Variants in SPATA6L observed in about 807,000 individuals in gnomAD.
The protein encoded by SPATA6L is spermatogenesis associated 6-like protein.
In SPATA6L, 68 loss-of-function variants were observed where a neutral mutation model predicts 49.2. That is an observed-to-expected ratio of 1.38 (90% CI 1.14 to 1.69). The LOEUF is 1.69. Among genes scored for constraint, SPATA6L ranks in the 40% most tolerant of loss-of-function variants. SPATA6L has a pLI of 0.00. For synonymous variants in SPATA6L, 198 were observed against 165.7 expected, an observed-to-expected ratio of 1.19 and a Z score of -1.50; for missense variants, 668 against 464.3, an observed-to-expected ratio of 1.44 and a Z score of -4.03.
downstream of SPATA6L, among the ~76,000 whole-genome samples, chr9:4,596,690 G>A (rs953279389): frequency 1.3e-5 from 2 of 152,174 alleles, no homozygotes; most frequent in Non-Finnish European, 2.9e-5. Flanking sequence ...TCCAACTTCT[G>A]TCAAGAGACC....
At position 4,598,316 on chromosome 9, in the gene SPATA6L, T is replaced by C. The variant is rs1822481209; in HGVS notation, c.*2495A>G. ...TAAACTGAAGCAAGACAGATGGGAA[T>C]TCTTTTTATGATGTTTAATGACACA... On this transcript the variant is annotated 3_prime_UTR_variant, in exon 12 of 12. Coordinates refer to ENST00000682582, the MANE Select transcript of SPATA6L (RefSeq NM_001353486.2). 6.6e-6 allele frequency among the ~76,000 whole-genome samples: 1 copy of C among 152,212 alleles called. No homozygotes were observed. The highest frequency in any genetic ancestry group is 1.9e-4 in the East Asian group (1 of 5,200).
At chr9:4,624,020 C>T (rs1829880064) in intron 6 of SPATA6L, among the ~76,000 whole-genome samples, 1 of 152,178 alleles carries the variant, frequency 6.6e-6, no homozygotes, top group Admixed American at 6.5e-5. Context: ...ACCAACTCTA[C>T]ATACAGTTAT....
chr9:4,606,756 T>G (rs10974647), intron 9 of SPATA6L, among the ~76,000 whole-genome samples: 2,902 of 146,312 alleles, frequency 0.02, 64 homozygotes, highest in Non-Finnish European at 0.032. Context: ...TCCAAAGGAA[T>G]GCAGTTCCTC....
intron 7 of SPATA6L, among the ~76,000 whole-genome samples, chr9:4,622,136 C>A (rs116198344): frequency 6.6e-6 from 1 of 152,156 alleles, no homozygotes; most frequent in African/African-American, 2.4e-5. Context: ...TCTGCTTCCC[C>A]GGAACAGCCA....
At position 4,641,982 on chromosome 9, in the gene SPATA6L, G is replaced by T. The variant is rs544728625; in HGVS notation, c.227-6583C>A. Among the ~76,000 whole-genome samples the T allele has an allele frequency of 2.6e-5, 4 of 152,260 alleles. No homozygotes were observed. The South Asian group carries it at 8.3e-4, about 32-fold the overall frequency. ...GAGGTTTCACCATGTTTCCCGGGCT[G>T]TACCTGAACTCCTGTGCTCAAGCAA... On this transcript the variant is annotated intron_variant, in intron 3 of 11. Transcript: ENST00000682582.
chr9:4,653,556 A>C (rs1314590915), intron 3 of SPATA6L, among the ~76,000 whole-genome samples: 1 of 152,248 alleles, frequency 6.6e-6, no homozygotes, highest in Non-Finnish European at 1.5e-5. Flanking sequence ...ACCATCAAGA[A>C]AGTGAAAGAC....
chr9:4,649,530 A>G (rs1587427821), intron 3 of SPATA6L, among the ~76,000 whole-genome samples: 1 of 152,250 alleles, frequency 6.6e-6, no homozygotes, highest in Admixed American at 6.5e-5. Flanking sequence ...AGGAAACTAT[A>G]GTAATGTGGA....
At position 4,604,229 on chromosome 9, in the gene SPATA6L, G is replaced by C; in HGVS notation, c.1130C>G (p.Pro377Arg). ...TGAGTATTTCTTCAGAGGGTAGCTT[G>C]GTCTTTCAATGATATAATTTACTTC... is the stretch of plus-strand genomic sequence containing the variant. ...TSEVNYIIER[P>R]SYPLKKYSLH... Residue 377 changes from proline (P) to arginine (R), a missense_variant, in exon 11 of 12, where the codon CCA (proline) becomes CGA (arginine). Physicochemically the swap from Pro to Arg is moderately radical, Grantham distance 103. Transcript: ENST00000682582. 6.2e-7 allele frequency: 1 copy of C among 1,611,668 alleles called. No individual in the cohort carries two copies.
chr9:4,600,493 C>CAGAG lies in SPATA6L; in HGVS notation c.*314_*317dup, dbSNP rs912130041. 24 of 133,782 alleles carry CAGAG rather than the reference C, an allele frequency of 1.8e-4. No individual in the cohort carries two copies. Among genetic ancestry groups the CAGAG allele is most frequent in the South Asian group, 5.1e-4 (2 of 3,894 alleles). The allele number at this position is 133,782 out of a possible 1,614,324, so 8.3% of individuals were successfully genotyped here. ...AGAGACAGAGAGAGCCAGAGAGAGC[C>CAGAG]AGAGAGAGAGAGAGGGGAAGTGTTC... On this transcript the variant is annotated 3_prime_UTR_variant, in exon 12 of 12. Coordinates refer to ENST00000682582, the MANE Select transcript of SPATA6L (RefSeq NM_001353486.2).
intron 9 of SPATA6L, among the ~76,000 whole-genome samples, chr9:4,606,832 G>A (rs1328515694): frequency 2.0e-5 from 3 of 147,942 alleles, no homozygotes; most frequent in South Asian, 2.1e-4. Flanking sequence ...GGCTTCAGAC[G>A]ATCAAATTAC....
At position 4,642,522 on chromosome 9, in the gene SPATA6L, C is replaced by A. The variant is rs185346453; in HGVS notation, c.227-7123G>T. 1.5e-4 allele frequency among the ~76,000 whole-genome samples: 23 copies of A among 152,250 alleles called. No individual in the cohort carries two copies. The East Asian group carries it at 2.5e-3, about 17-fold the overall frequency. ...TCCAGCGGCAGCCTTTGCCAAAGAA[C>A]CAAGAAGCAGAAGAAAGAACTACAG... On this transcript the variant is annotated intron_variant, in intron 3 of 11. Transcript: ENST00000682582.
chr9:4,642,975 GGAGA>G (rs1834365405), intron 3 of SPATA6L, among the ~76,000 whole-genome samples: 1 of 152,060 alleles, frequency 6.6e-6, no homozygotes, highest in South Asian at 2.1e-4. Context: ...CATCTAAAAG[GGAGA>G]TAGATCATAA....
chr9:4,645,925 T>A (rs573373360), intron 3 of SPATA6L, among the ~76,000 whole-genome samples: 2 of 152,292 alleles, frequency 1.3e-5, no homozygotes, highest in Non-Finnish European at 2.9e-5. Flanking sequence ...GGCTGTCCAA[T>A]CTTATGAACA....
Position 4,666,471 on chromosome 9 carries a change from G to C in SPATA6L, c.-221C>G, listed in dbSNP as rs899267156. The C allele has an allele frequency of 3.5e-5, 20 of 573,360 alleles. No individual in the cohort carries two copies. The highest frequency in any genetic ancestry group is 6.0e-5 in the Admixed American group (2 of 33,064). 35.5% of individuals were successfully genotyped at this position (573,360 alleles called of 1,614,324 possible). On this transcript the variant is annotated 5_prime_UTR_variant, in exon 1 of 12. Transcript: ENST00000682582. ...GAGTGCAGGCTTCCAGAAGGCGGAA[G>C]CGTGGCGTTGCCAGGGACACTCAAA...
intron 5 of SPATA6L, chr9:4,628,033 G>A: frequency 2.8e-6 from 1 of 351,882 alleles, no homozygotes; most frequent in Non-Finnish European, 5.5e-6. Context: ...TCACTTATTT[G>A]TGGGAGCTAA....
At chr9:4,638,216 A>ATTG (rs1408386531) in intron 3 of SPATA6L, among the ~76,000 whole-genome samples, 4 of 146,682 alleles carry the variant, frequency 2.7e-5, no homozygotes, top group Admixed American at 2.7e-4. Flanking sequence ...TATTATTATT[A>ATTG]TTATTATTTT....
chr9:4,594,630 G>A (rs373257392), downstream of SPATA6L, among the ~76,000 whole-genome samples: 21 of 152,276 alleles, frequency 1.4e-4, no homozygotes, highest in East Asian at 2.3e-3. Context: ...AGAGGTTGGT[G>A]CATTTATTTG....
intron 13 of SPATA6L, among the ~76,000 whole-genome samples, chr9:4,590,951 G>A (rs1277252444): frequency 2.0e-5 from 3 of 152,070 alleles, no homozygotes; most frequent in South Asian, 2.1e-4. Context: ...ATCTTCTTTC[G>A]CTTCGGGGCA....
At chr9:4,627,175 A>G (rs1271955137) in intron 5 of SPATA6L, 1 of 113,494 alleles carries the variant, frequency 8.8e-6, no homozygotes, top group East Asian at 4.5e-4. Flanking sequence ...AAAAACAATA[A>G]AACTATTTGT....
Sources: allele counts gnomAD v4.1 joint callset (sites outside exome capture counted in the v4.1 genomes callset), GRCh38; gene constraint gnomAD v4.1.1; transcripts MANE v1.5; gene names NCBI Gene and HGNC (gene_info 2026-07-23, HGNC 2026-07-21).